SVOP: variants seen among roughly 807,000 people sequenced by gnomAD.
SVOP encodes the protein synaptic vesicle 2-related protein.
Under a neutral mutation model 69.1 loss-of-function variants are expected in SVOP, and 17 were observed. That is an observed-to-expected ratio of 0.25 (90% CI 0.17 to 0.37). The LOEUF (loss-of-function observed/expected upper bound fraction) is 0.37. SVOP is among the 10% of genes least tolerant of loss of function. The probability of loss-of-function intolerance (pLI) is 1.00; values close to 1 mark genes in which losing one functional copy is unlikely to be tolerated. For synonymous variants in SVOP, 238 were observed against 238.6 expected, an observed-to-expected ratio of 1.00 and a Z score of 0.02; for missense variants, 435 against 597.5, an observed-to-expected ratio of 0.73 and a Z score of 2.84.
intron 2 of SVOP, among the ~76,000 whole-genome samples, chr12:108,983,316 C>CCAT (rs1296630109): frequency 1.8e-4 from 28 of 151,630 alleles, no homozygotes; most frequent in Non-Finnish European, 3.8e-4. Context: ...ATCACCACCA[C>CCAT]CATCATCATC....
At chr12:108,913,855 T>G (rs1566045592) in intron 15 of SVOP, among the ~76,000 whole-genome samples, 1 of 152,112 alleles carries the variant, frequency 6.6e-6, no homozygotes, top group African/African-American at 2.4e-5. Context: ...CTCACCAAAT[T>G]GACCAGGCTG....
chr12:108,952,380 G>A (rs1412611001), intron 6 of SVOP, among the ~76,000 whole-genome samples: 1 of 151,542 alleles, frequency 6.6e-6, no homozygotes, highest in Non-Finnish European at 1.5e-5. Context: ...GATTACAGGT[G>A]TGCACCACCA....
At chr12:108,947,037 T>G (rs1374706312) in intron 6 of SVOP, among the ~76,000 whole-genome samples, 3 of 152,124 alleles carry the variant, frequency 2.0e-5, no homozygotes, top group Admixed American at 6.6e-5. Context: ...TGTTATTATT[T>G]TGATGCTCAG....
rs142093691 is a variant in SVOP, at chr12:109,021,001, G to C, written c.-133C>G. The stretch of plus-strand genomic sequence containing the variant: ...TTCCTCCCTGGAGCAGCAGCTGTTC[G>C]GGGAGGGAGCCGCTGGGGACCAGCC... On this transcript the variant is annotated 5_prime_UTR_variant, in exon 1 of 16. Transcript: ENST00000610966. The C allele has an allele frequency of 4.4e-4, 258 of 591,306 alleles. 3 individuals are homozygous for C. In the East Asian group the frequency reaches 7.5e-3, roughly 17 times the overall value. 36.6% of individuals were successfully genotyped at this position (591,306 alleles called of 1,614,324 possible). A position where few individuals can be genotyped will look rare whatever the true frequency, so the allele number is the denominator to read the frequency against.
In SVOP at chr12:108,908,407, AT is replaced by A. The variant is rs1472057978; in HGVS notation, c.*4127del. 1 of 152,214 alleles carries A rather than the reference AT, an allele frequency of 6.6e-6. No homozygotes were observed. Among genetic ancestry groups the A allele is most frequent in the Non-Finnish European group, 1.5e-5 (1 of 68,042 alleles). 9.4% of individuals were successfully genotyped at this position (152,214 alleles called of 1,614,324 possible). The stretch of plus-strand genomic sequence containing the variant: ...TATTGAGCTCACACATCATTTGAAC[AT>A]TTTTGATCCAATATACTAATATTTG... On this transcript the variant is annotated 3_prime_UTR_variant, in exon 16 of 16. Coordinates refer to ENST00000610966, the MANE Select transcript of SVOP (RefSeq NM_018711.5).
At chr12:109,017,626 C>T (rs752834646) in intron 1 of SVOP, among the ~76,000 whole-genome samples, 5 of 152,058 alleles carry the variant, frequency 3.3e-5, no homozygotes, top group South Asian at 4.2e-4. Flanking sequence ...CTTTGCTCAC[C>T]GCAACCTCTG....
At chr12:108,914,745 T>C (rs1566045810) in intron 15 of SVOP, among the ~76,000 whole-genome samples, 1 of 151,580 alleles carries the variant, frequency 6.6e-6, no homozygotes, top group African/African-American at 2.4e-5. Context: ...TTAGTAGAGA[T>C]GGGGGTTTCA....
chr12:108,964,702 G>A (rs568724129), intron 5 of SVOP, among the ~76,000 whole-genome samples: 5 of 152,230 alleles, frequency 3.3e-5, no homozygotes, highest in Admixed American at 1.3e-4. Flanking sequence ...TTGGGACTCC[G>A]CAGACATGTC....
intron 4 of SVOP, among the ~76,000 whole-genome samples, chr12:108,973,252 C>A (rs2040088972): frequency 6.6e-6 from 1 of 152,120 alleles, no homozygotes; most frequent in South Asian, 2.1e-4. Flanking sequence ...AACTGAGGGC[C>A]AGAGAGGGGA....
chr12:108,955,814 A>G (rs911357676), intron 6 of SVOP, among the ~76,000 whole-genome samples: 1 of 152,206 alleles, frequency 6.6e-6, no homozygotes, highest in African/African-American at 2.4e-5. Flanking sequence ...GGCATTTTAC[A>G]GAATGTTGTC....
rs370493571 is a variant in SVOP, at chr12:108,970,006, A to G, written c.453+2399T>C. On this transcript the variant is annotated intron_variant, in intron 5 of 15. Transcript: ENST00000610966. ...CCCGAGGCCCATCATGGCTGCATTT[A>G]GTTTCCAGCCTGCTGCCTCTGGAGT... Among the ~76,000 whole-genome samples the G allele has an allele frequency of 2.6e-5, 4 of 152,284 alleles. No individual in the cohort carries two copies. In the East Asian group the frequency reaches 5.8e-4, roughly 22 times the overall value.
intron 1 of SVOP, among the ~76,000 whole-genome samples, chr12:108,986,097 G>A (rs939443960): frequency 6.6e-6 from 1 of 152,182 alleles, no homozygotes; most frequent in Non-Finnish European, 1.5e-5. Context: ...TTGAAGCTTG[G>A]TGCTAACATT....
rs2040395286 is a variant in SVOP at position 109,021,012 on chromosome 12, C to T, written c.-144G>A. 2 of 569,318 alleles carry T rather than the reference C, an allele frequency of 3.5e-6. No homozygotes were observed. Among genetic ancestry groups the T allele is most frequent in the Non-Finnish European group, 6.3e-6 (2 of 315,414 alleles). 35.3% of individuals were successfully genotyped at this position (569,318 alleles called of 1,614,324 possible). A position where few individuals can be genotyped will look rare whatever the true frequency, so the allele number is the denominator to read the frequency against. On this transcript the variant is annotated 5_prime_UTR_variant, in exon 1 of 16. Coordinates refer to ENST00000610966, the MANE Select transcript of SVOP (RefSeq NM_018711.5). ...AGCAGCAGCTGTTCGGGGAGGGAGC[C>T]GCTGGGGACCAGCCCACGAGACAAA...
At chr12:108,926,743 T>C (rs2039782994) in intron 11 of SVOP, among the ~76,000 whole-genome samples, 1 of 152,252 alleles carries the variant, frequency 6.6e-6, no homozygotes, top group Non-Finnish European at 1.5e-5. Flanking sequence ...TTGCCTCTAA[T>C]TGTAAATTCA....
chr12:108,971,016 T>C (rs1056588274), intron 5 of SVOP, among the ~76,000 whole-genome samples: 2 of 151,914 alleles, frequency 1.3e-5, no homozygotes, highest in Non-Finnish European at 2.9e-5. Context: ...AGACCTTGTC[T>C]CAAAAAAACA....
At chr12:108,919,889 T>G in intron 12 of SVOP, 103 bp from the exon 13 acceptor site, 1 of 733,586 alleles carries the variant, frequency 1.4e-6, no homozygotes. Flanking sequence ...GAGGGTGGAC[T>G]AGACTTAGTG....
At chr12:108,999,419 C>G (rs1432801155) in intron 1 of SVOP, among the ~76,000 whole-genome samples, 1 of 147,854 alleles carries the variant, frequency 6.8e-6, no homozygotes, top group African/African-American at 2.5e-5. Context: ...AGAAAGTCAA[C>G]AAGGATACCC....
chr12:108,918,877 A>C (rs562419275), intron 13 of SVOP, among the ~76,000 whole-genome samples: 10 of 152,148 alleles, frequency 6.6e-5, no homozygotes, highest in Non-Finnish European at 1.5e-4. Context: ...TTCTCCCCTG[A>C]CTACAACCCC....
chr12:108,997,085 C>T (rs1292754061), intron 1 of SVOP, among the ~76,000 whole-genome samples: 5 of 151,964 alleles, frequency 3.3e-5, no homozygotes, highest in Admixed American at 2.6e-4. Context: ...AGACAGTGGG[C>T]GCAGGTCAGT....
Sources: gnomAD v4.1 joint callset for allele counts (sites outside exome capture counted in the v4.1 genomes callset) on GRCh38, gnomAD v4.1.1 for gene constraint, MANE v1.5 for transcripts, NCBI Gene and HGNC (gene_info 2026-07-23, HGNC 2026-07-21) for gene names.